The following PRH1 variants were observed in gnomAD, a reference collection of about 807,000 sequenced individuals.
The protein encoded by PRH1 is proline rich protein HaeIII subfamily 1, also known as salivary acidic proline-rich phosphoprotein 1/2.
A neutral mutation model predicts 7.9 loss-of-function variants in PRH1; 7 were observed. The ratio of observed to expected loss-of-function variants is 0.89; its 90% CI spans 0.50 to 1.67. The LOEUF (loss-of-function observed/expected upper bound fraction) is 1.67, where lower values mean the gene tolerates loss of function less well. PRH1 is among the 40% of genes most tolerant of loss of function. The probability of loss-of-function intolerance (pLI) is 0.00; values close to 1 mark genes in which losing one functional copy is unlikely to be tolerated. For synonymous variants in PRH1, 45 were observed against 80.8 expected (o/e 0.56, Z 2.38); for missense variants, 109 against 223.6 (o/e 0.49, Z 3.27).
chr12:11,058,118 C>G (rs1446004036), intron 1 of PRH1, among the ~76,000 whole-genome samples: 1 of 152,114 alleles, frequency 6.6e-6, no homozygotes, highest in African/African-American at 2.4e-5. Flanking sequence ...TCCCTGCAGT[C>G]CCAGCTGCTA....
At chr12:10,972,253 A>C (rs1340488824) in intron 2 of PRH1, among the ~76,000 whole-genome samples, 1 of 152,208 alleles carries the variant, frequency 6.6e-6, no homozygotes, top group Admixed American at 6.5e-5. Flanking sequence ...ACCTTAAAAA[A>C]AGGCAAGTCT....
intron 1 of PRH1, among the ~76,000 whole-genome samples, chr12:11,069,525 GAA>G: frequency 6.6e-6 from 1 of 151,966 alleles, no homozygotes; most frequent in African/African-American, 2.4e-5. Flanking sequence ...ATAAAATCAG[GAA>G]AGGGCATCAT....
At chr12:10,979,501 G>T (rs1939254238) in intron 1 of PRH1, among the ~76,000 whole-genome samples, 1 of 152,132 alleles carries the variant, frequency 6.6e-6, no homozygotes, top group Non-Finnish European at 1.5e-5. Flanking sequence ...AGGACAGACA[G>T]GCAGACAAAA....
At chr12:10,925,509 G>A (rs1034092881) in intron 2 of PRH1, among the ~76,000 whole-genome samples, 1 of 152,132 alleles carries the variant, frequency 6.6e-6, no homozygotes, top group Non-Finnish European at 1.5e-5. Context: ...CATGTGGCTT[G>A]TATTAAGAAA....
At chr12:11,168,206 AAAGAAAGAAG>A (rs1947643701) in intron 1 of PRH1, among the ~76,000 whole-genome samples, 9 of 39,858 alleles carry the variant, frequency 2.3e-4, no homozygotes, top group Non-Finnish European at 4.6e-4. Flanking sequence ...AAAACGAAAG[AAAGAAAGAAG>A]AAAGAAAGAA....
intron 1 of PRH1, among the ~76,000 whole-genome samples, chr12:11,138,109 A>G (rs1946606655): frequency 1.3e-5 from 2 of 152,180 alleles, no homozygotes; most frequent in South Asian, 4.1e-4. Flanking sequence ...TCATAGCAAA[A>G]GTGATCTCCA....
At chr12:11,014,292 G>T (rs1235559307) in intron 1 of PRH1, among the ~76,000 whole-genome samples, 1 of 152,176 alleles carries the variant, frequency 6.6e-6, no homozygotes, top group Non-Finnish European at 1.5e-5. Context: ...TAGCAAAGGA[G>T]ATTGAGAAGT....
chr12:11,024,465 CT>C (rs1429125524), intron 1 of PRH1, among the ~76,000 whole-genome samples: 1 of 152,178 alleles, frequency 6.6e-6, no homozygotes, highest in Non-Finnish European at 1.5e-5. Context: ...ATTCTTTATA[CT>C]TTACCAATAA....
At chr12:11,129,250 A>T (rs1946248104) in intron 1 of PRH1, among the ~76,000 whole-genome samples, 1 of 152,288 alleles carries the variant, frequency 6.6e-6, no homozygotes, top group South Asian at 2.1e-4. Context: ...TGCTACCTAG[A>T]GCTTCGGCTC....
intron 1 of PRH1, among the ~76,000 whole-genome samples, chr12:11,127,695 T>C (rs1946182348): frequency 2.0e-5 from 3 of 152,290 alleles, no homozygotes; most frequent in African/African-American, 7.2e-5. Context: ...AAATTAATTT[T>C]CTTACTCGGG....
chr12:11,090,532 C>T lies in PRH1; in HGVS notation n.124-43344G>A, dbSNP rs185037178. Among the ~76,000 whole-genome samples the T allele has an allele frequency of 1.1e-4, 13 of 114,650 alleles. 4 individuals carry two copies. Among genetic ancestry groups the T allele is most frequent in the Admixed American group, 2.6e-4 (3 of 11,472 alleles). 75.2% of individuals were successfully genotyped at this position (114,650 alleles called of 152,430 possible). On this transcript the variant is annotated intron_variant and non_coding_transcript_variant, in intron 1 of 4. Transcript: ENST00000541977. ...ACTGCATATGCATAACTGATGATAC[C>T]AATCAAGATCATGATCATGATGTTT... is the stretch of plus-strand genomic sequence containing the variant.
chr12:11,022,443 TGAG>T (rs761389078), intron 1 of PRH1: 19 of 1,614,024 alleles, frequency 1.2e-5, no homozygotes, highest in Middle Eastern at 1.6e-4. Flanking sequence ...TTTGCTCAGC[TGAG>T]GAGATCTTTC....
intron 1 of PRH1, among the ~76,000 whole-genome samples, chr12:11,132,240 ATAAT>A (rs1398043299): frequency 2.0e-5 from 3 of 152,288 alleles, no homozygotes; most frequent in Non-Finnish European, 2.9e-5. Context: ...GACAAATCCC[ATAAT>A]TAATACATAG....
chr12:11,012,737 T>C lies in PRH1; in HGVS notation c.-126+34283A>G, dbSNP rs1036434568. Among the ~76,000 whole-genome samples, 8 of 152,136 alleles carry C rather than the reference T, an allele frequency of 5.3e-5. No homozygotes were observed. The East Asian group carries it at 9.7e-4, about 18-fold the overall frequency. On this transcript the variant is annotated intron_variant, in intron 1 of 3. Transcript: ENST00000539853. ...ACAGCCAGCTAATTTTTCAGTTTTTTTGTAGAAATGGGGTCTCCCTATGTT... is the reference window on the plus strand; with the variant it reads ...ACAGCCAGCTAATTTTTCAGTTTTTCTGTAGAAATGGGGTCTCCCTATGTT...
At chr12:10,916,188 T>G (rs184991107) in intron 2 of PRH1, among the ~76,000 whole-genome samples, 4 of 152,228 alleles carry the variant, frequency 2.6e-5, no homozygotes, top group African/African-American at 9.6e-5. Flanking sequence ...CTCATGAGAA[T>G]TACTTATTCA....
chr12:11,128,556 C>G (rs575269018), intron 1 of PRH1, among the ~76,000 whole-genome samples: 1 of 152,288 alleles, frequency 6.6e-6, no homozygotes, highest in African/African-American at 2.4e-5. Context: ...TCCAGCATGG[C>G]CAACATGGTG....
At chr12:11,154,454 G>A (rs1473171171) in intron 1 of PRH1, among the ~76,000 whole-genome samples, 1 of 152,204 alleles carries the variant, frequency 6.6e-6, no homozygotes, top group East Asian at 1.9e-4. Context: ...CTTAATTGGG[G>A]AGAGGAAAGC....
At chr12:10,911,195 C>T (rs562079728) in intron 2 of PRH1, among the ~76,000 whole-genome samples, 2 of 152,048 alleles carry the variant, frequency 1.3e-5, no homozygotes, top group East Asian at 1.9e-4. Flanking sequence ...TTGGGGATGC[C>T]GGTCACAACT....
chr12:10,904,398 G>C (rs1477678488), intron 2 of PRH1, among the ~76,000 whole-genome samples: 1 of 152,030 alleles, frequency 6.6e-6, no homozygotes, highest in East Asian at 1.9e-4. Flanking sequence ...TCTGATGTTT[G>C]ACAAAACTGA....
Sources: allele counts gnomAD v4.1 joint callset (sites outside exome capture counted in the v4.1 genomes callset), GRCh38; gene constraint gnomAD v4.1.1; transcripts MANE v1.5; gene names NCBI Gene and HGNC (gene_info 2026-07-23, HGNC 2026-07-21).